PIEZO2: variants seen among roughly 807,000 people sequenced by gnomAD.
PIEZO2 encodes the protein piezo-type mechanosensitive ion channel component 2.
Under a neutral mutation model 337.3 loss-of-function variants are expected in PIEZO2, and 172 were observed. The observed-to-expected ratio is 0.51, with a 90% confidence interval of 0.45 to 0.58. The LOEUF is 0.58. Ranked by LOEUF, PIEZO2 falls within the 20% of genes least tolerant of loss-of-function variation. The probability of loss-of-function intolerance (pLI) is 0.00; values close to 1 mark genes in which losing one functional copy is unlikely to be tolerated. For synonymous variants in PIEZO2, 1,251 were observed against 1,228.5 expected, an observed-to-expected ratio of 1.02 and a Z score of -0.38; for missense variants, 3,028 against 3,391.3, an observed-to-expected ratio of 0.89 and a Z score of 2.66.
At chr18:11,055,946 C>T (rs577250910) in intron 2 of PIEZO2, among the ~76,000 whole-genome samples, 1 of 152,326 alleles carries the variant, frequency 6.6e-6, no homozygotes, top group East Asian at 1.9e-4. Flanking sequence ...GACAAAGGTC[C>T]CTGCTTCAAA....
chr18:10,843,626 A>G (rs2041260859), intron 7 of PIEZO2, among the ~76,000 whole-genome samples: 1 of 152,206 alleles, frequency 6.6e-6, no homozygotes, highest in South Asian at 2.1e-4. Context: ...TTGAAAGACT[A>G]AATGTAGAAA....
Position 10,847,949 on chromosome 18 carries a change from C to A in PIEZO2, c.917+7404G>T, listed in dbSNP as rs1306971899. Among the ~76,000 whole-genome samples the A allele has an allele frequency of 6.6e-6, 1 of 152,162 alleles. No individual in the cohort carries two copies. Among genetic ancestry groups the A allele is most frequent in the Non-Finnish European group, 1.5e-5 (1 of 68,022 alleles). Reference sequence around the variant, plus strand: ...CTTAGCATTATAATAACGTGCTTTACATTTGTTTTTCTCCACACACTGGAC... The same window carrying A: ...CTTAGCATTATAATAACGTGCTTTAAATTTGTTTTTCTCCACACACTGGAC... On this transcript the variant is annotated intron_variant, in intron 7 of 55. Transcript: ENST00000674853. The surrounding 1 kb of genome is among the most constrained non-coding windows in gnomAD (Gnocchi z 5.7).
intron 5 of PIEZO2, among the ~76,000 whole-genome samples, chr18:10,864,365 C>T (rs2041952224): frequency 6.6e-6 from 1 of 152,164 alleles, no homozygotes; most frequent in South Asian, 2.1e-4. Flanking sequence ...CCAGTAGTCA[C>T]TCAGGGAAGA....
chr18:11,117,614 G>A (rs936796060), intron 1 of PIEZO2, among the ~76,000 whole-genome samples: 2 of 152,180 alleles, frequency 1.3e-5, no homozygotes, highest in Non-Finnish European at 2.9e-5. Flanking sequence ...GTAAATCCTA[G>A]TTTCCAAAGC....
chr18:11,108,313 A>G (rs2146127545), intron 1 of PIEZO2, among the ~76,000 whole-genome samples: 1 of 152,274 alleles, frequency 6.6e-6, no homozygotes, highest in Non-Finnish European at 1.5e-5. Context: ...TAAATGTAAC[A>G]TGTGTAAGAG....
intron 38 of PIEZO2, 43 bp from the exon 39 acceptor site, chr18:10,714,973 T>A: frequency 6.6e-7 from 1 of 1,523,086 alleles, no homozygotes; most frequent in Non-Finnish European, 8.8e-7. Context: ...TGGAGGCATC[T>A]ACCTGTATAG....
chr18:11,073,456 G>A (rs759412836), intron 1 of PIEZO2, among the ~76,000 whole-genome samples: 5 of 152,194 alleles, frequency 3.3e-5, no homozygotes, highest in South Asian at 2.1e-4. Flanking sequence ...AGAGAGGCCC[G>A]TGTGACAAAG....
chr18:10,680,514 T>C, intron 51 of PIEZO2, 143 bp from the exon 52 acceptor site: 1 of 813,100 alleles, frequency 1.2e-6, no homozygotes. Flanking sequence ...TGGTCTTGAG[T>C]GTTCCATTGC....
chr18:10,732,766 ATGTTAATTGGG>A (rs925620831), intron 35 of PIEZO2, among the ~76,000 whole-genome samples: 2 of 152,208 alleles, frequency 1.3e-5, no homozygotes, highest in Admixed American at 1.3e-4. Flanking sequence ...TTTATTGGCT[ATGTTAATTGGG>A]TGTTAATTGG....
At chr18:10,975,479 G>GA (rs371482130) in intron 3 of PIEZO2, among the ~76,000 whole-genome samples, 28 of 147,614 alleles carry the variant, frequency 1.9e-4, no homozygotes, top group Middle Eastern at 3.4e-3. Context: ...GAAATGAGGG[G>GA]AAAAAAAAAA....
chr18:10,901,693 T>C (rs1318001698), intron 4 of PIEZO2, among the ~76,000 whole-genome samples: 1 of 152,162 alleles, frequency 6.6e-6, no homozygotes, highest in Admixed American at 6.5e-5. Context: ...AACTGATGAA[T>C]ACATAATATG....
At chr18:10,687,943 A>G (rs537007160) in intron 49 of PIEZO2, among the ~76,000 whole-genome samples, 4 of 152,338 alleles carry the variant, frequency 2.6e-5, no homozygotes, top group African/African-American at 9.6e-5. Context: ...GCTGACCTAC[A>G]TAATTGTGAG....
rs530043741 is a variant in PIEZO2 at position 11,110,438 on chromosome 18, C to T, written c.64+38087G>A. On this transcript the variant is annotated intron_variant, in intron 1 of 55. Transcript: ENST00000674853. This position sits in a 1 kb window ranked among gnomAD's most constrained non-coding sequence, Gnocchi z 4.2. ...CTGGCTGACAGGGCTTCAGCATGGG[C>T]GCTGCGGCCTTAACTCCTCACAAGT... Among the ~76,000 whole-genome samples the T allele has an allele frequency of 2.6e-5, 4 of 152,338 alleles. No individual in the cohort carries two copies. The highest frequency in any genetic ancestry group is 1.3e-4 in the Admixed American group (2 of 15,306).
At position 10,726,567 on chromosome 18, in the gene PIEZO2, G is replaced by T. The variant is rs540617759; in HGVS notation, c.5029+4840C>A. On this transcript the variant is annotated intron_variant, in intron 36 of 55. Coordinates refer to ENST00000674853, the MANE Select transcript of PIEZO2 (RefSeq NM_001378183.1). This position sits in a 1 kb window ranked among gnomAD's most constrained non-coding sequence, Gnocchi z 5.9. ...ACACCAGCCGCCACGCTGTGCGTCT[G>T]TCCTTCCGCCAGCTCTTCCAGGACC... The T allele has an allele frequency of 7.1e-7, 1 of 1,411,242 alleles. No homozygotes were observed. Among genetic ancestry groups the T allele is most frequent in the Non-Finnish European group, 9.4e-7 (1 of 1,063,712 alleles). 87.4% of individuals were successfully genotyped at this position (1,411,242 alleles called of 1,614,324 possible). A position where few individuals can be genotyped will look rare whatever the true frequency, so the allele number is the denominator to read the frequency against.
At chr18:11,085,044 G>A (rs769062564) in intron 1 of PIEZO2, among the ~76,000 whole-genome samples, 14 of 152,164 alleles carry the variant, frequency 9.2e-5, no homozygotes, top group African/African-American at 1.7e-4. Context: ...AGTGAATAAC[G>A]GAATGAATTA....
chr18:11,108,961 C>A (rs1483825387), intron 1 of PIEZO2, among the ~76,000 whole-genome samples: 1 of 152,206 alleles, frequency 6.6e-6, no homozygotes, highest in Non-Finnish European at 1.5e-5. Context: ...TTCAACAGAA[C>A]AAAGTTATCT....
chr18:10,999,365 C>T (rs944247656), intron 2 of PIEZO2, among the ~76,000 whole-genome samples: 10 of 152,098 alleles, frequency 6.6e-5, no homozygotes, highest in African/African-American at 1.9e-4. Context: ...TCCTCCATAT[C>T]TGTGGACTCC....
chr18:10,778,952 A>G (rs1362486676), intron 18 of PIEZO2, among the ~76,000 whole-genome samples: 1 of 152,220 alleles, frequency 6.6e-6, no homozygotes, highest in African/African-American at 2.4e-5. Flanking sequence ...TAAGAAACAC[A>G]GAGAAAAAGA....
rs115155401 is a variant in PIEZO2, at chr18:11,132,425, C to G, written c.64+16100G>C. 1.5e-3 allele frequency among the ~76,000 whole-genome samples: 226 copies of G among 152,260 alleles called. No individual in the cohort carries two copies. The highest frequency in any genetic ancestry group is 5.1e-3 in the African/African-American group (210 of 41,542). ...TTTGAAGTCACAATTACAATGCCAG[C>G]TAGGTAACAGTACTTTGCAGGGCTG... On this transcript the variant is annotated intron_variant, in intron 1 of 55. Coordinates refer to ENST00000674853, the MANE Select transcript of PIEZO2 (RefSeq NM_001378183.1). This position sits in a 1 kb window ranked among gnomAD's most constrained non-coding sequence, Gnocchi z 4.7.
Sources: allele counts gnomAD v4.1 joint callset (sites outside exome capture counted in the v4.1 genomes callset), GRCh38; gene constraint gnomAD v4.1.1; non-coding constraint Gnocchi (gnomAD v3.1); transcripts MANE v1.5; gene names NCBI Gene and HGNC (gene_info 2026-07-23, HGNC 2026-07-21).